Variants in ARL10 observed in about 807,000 individuals in gnomAD.
ARL10 encodes the protein ADP-ribosylation factor-like protein 10.
Under a neutral mutation model 26.1 loss-of-function variants are expected in ARL10, and 23 were observed. That is an observed-to-expected ratio of 0.88 (90% CI 0.63 to 1.25). The LOEUF (loss-of-function observed/expected upper bound fraction) is 1.25, where lower values mean the gene tolerates loss of function less well. Ranked by LOEUF, ARL10 falls within the 50% of genes most tolerant of loss-of-function variation. ARL10 has a pLI of 0.00. For synonymous variants in ARL10, 138 were observed against 149.1 expected (o/e 0.93, Z 0.54); for missense variants, 300 against 323.6 (o/e 0.93, Z 0.56).
chr5:176,396,050 G>A (rs1189797699), intron 1 of ARL10, among the ~76,000 whole-genome samples: 1 of 152,114 alleles, frequency 6.6e-6, no homozygotes, highest in African/African-American at 2.4e-5. Flanking sequence ...CAGGAGAATC[G>A]CTTGAACCCA....
At chr5:176,397,943 C>G in intron 1 of ARL10, 1 of 1,613,916 alleles carries the variant, frequency 6.2e-7, no homozygotes, top group South Asian at 1.1e-5. Flanking sequence ...GCTCTTGCAG[C>G]CGTTTCCTCT....
At position 176,373,419 on chromosome 5, in the gene ARL10, A is replaced by C; in HGVS notation, c.*1524A>C. ...GGGACCACTAAATCAACAACCACAA[A>C]TGGATTTTTTTTTTAAGAGGAGCTG... On this transcript the variant is annotated 3_prime_UTR_variant, in exon 4 of 4. Transcript: ENST00000310389. The C allele has an allele frequency of 1.0e-5, 2 of 197,856 alleles. No individual in the cohort carries two copies. The highest frequency in any genetic ancestry group is 1.0e-5 in the Non-Finnish European group (1 of 98,564). 12.3% of individuals were successfully genotyped at this position (197,856 alleles called of 1,614,324 possible). A position where few individuals can be genotyped will look rare whatever the true frequency, so the allele number is the denominator to read the frequency against.
At chr5:176,369,587 G>A (rs960632351) in intron 3 of ARL10, among the ~76,000 whole-genome samples, 2 of 152,118 alleles carry the variant, frequency 1.3e-5, no homozygotes, top group Non-Finnish European at 2.9e-5. Flanking sequence ...ACCCTATAAA[G>A]TATGGGATGC....
the ARL10 span, among the ~76,000 whole-genome samples, chr5:176,411,302 C>T: frequency 6.6e-6 from 1 of 152,210 alleles, no homozygotes; most frequent in African/African-American, 2.4e-5. Flanking sequence ...AAAACATGCA[C>T]TTACCTGTGC....
At chr5:176,410,467 C>T in the ARL10 span, among the ~76,000 whole-genome samples, 3 of 152,174 alleles carry the variant, frequency 2.0e-5, no homozygotes, top group Non-Finnish European at 2.9e-5. Flanking sequence ...GGCTCAATCC[C>T]ACCCCTGACT....
the ARL10 span, among the ~76,000 whole-genome samples, chr5:176,413,101 A>G: frequency 6.6e-6 from 1 of 152,096 alleles, no homozygotes; most frequent in African/African-American, 2.4e-5. Context: ...AAGAGTCCAC[A>G]CACACCTACA....
chr5:176,414,584 A>G, the ARL10 span, among the ~76,000 whole-genome samples: 1 of 152,096 alleles, frequency 6.6e-6, no homozygotes, highest in East Asian at 1.9e-4. Context: ...CTACAACTAC[A>G]GCTACATGCC....
downstream of ARL10, chr5:176,388,793 A>T (rs374741504): frequency 4.4e-6 from 7 of 1,605,182 alleles, no homozygotes; most frequent in Middle Eastern, 1.8e-4. Context: ...CGGAGTCCCG[A>T]TTTTCTCCTG....
intron 1 of ARL10, among the ~76,000 whole-genome samples, chr5:176,399,934 G>T (rs867956227): frequency 3.3e-5 from 5 of 150,736 alleles, no homozygotes; most frequent in South Asian, 2.1e-4. Context: ...ACTCACACCT[G>T]TAATCCCAGC....
In ARL10 at chr5:176,372,105, TGAGACAGAGGGTGGG is replaced by T. The variant is rs1768565620; in HGVS notation, c.*214_*228del. On this transcript the variant is annotated 3_prime_UTR_variant, in exon 4 of 4. Coordinates refer to ENST00000310389, the MANE Select transcript of ARL10 (RefSeq NM_173664.6). ...CGTGAAGCCGAAGCAGGGAGGTGGGTGAGACAGAGGGTGGGGAGGATAGTGTCTGGCTCATTCCAG... is the reference window on the plus strand; with the variant it reads ...CGTGAAGCCGAAGCAGGGAGGTGGGTGAGGATAGTGTCTGGCTCATTCCAG... The T allele has an allele frequency of 7.1e-7, 1 of 1,414,962 alleles. No individual in the cohort carries two copies. The highest frequency in any genetic ancestry group is 9.2e-7 in the Non-Finnish European group (1 of 1,085,888). 87.7% of individuals were successfully genotyped at this position (1,414,962 alleles called of 1,614,324 possible).
intron 3 of ARL10, 53 bp from the exon 4 acceptor site, chr5:176,371,669 C>G (rs1448181194): frequency 6.7e-7 from 1 of 1,498,784 alleles, no homozygotes; most frequent in Non-Finnish European, 9.3e-7. Flanking sequence ...ACAAGGGTGT[C>G]AGTGTGTTAG....
At chr5:176,404,946 T>A (rs1757031765), downstream of ARL10, among the ~76,000 whole-genome samples, 1 of 152,214 alleles carries the variant, frequency 6.6e-6, no homozygotes, top group Admixed American at 6.5e-5. Context: ...GATCCTGGAT[T>A]CAAGTTTTAC....
In ARL10 at chr5:176,373,152, T is replaced by G; in HGVS notation, c.*1257T>G. On this transcript the variant is annotated 3_prime_UTR_variant, in exon 4 of 4. Transcript: ENST00000310389. ...TCTAGGTAAAAAGATGGAAAAAAAT[T>G]GTATTATGTGATCCTAAGGACAGGA... The G allele has an allele frequency of 2.5e-6, 1 of 397,862 alleles. No homozygotes were observed. The highest frequency in any genetic ancestry group is 1.4e-4 in the South Asian group (1 of 7,326). 24.6% of individuals were successfully genotyped at this position (397,862 alleles called of 1,614,324 possible).
In ARL10 at chr5:176,375,865, C is replaced by T. The variant is rs1373699802; in HGVS notation, c.*3970C>T. On this transcript the variant is annotated 3_prime_UTR_variant, in exon 4 of 4. Coordinates refer to ENST00000310389, the MANE Select transcript of ARL10 (RefSeq NM_173664.6). ...AACCCTACTGGATTTAACCCAGTGACATTATATAAGCAATCGCTTGGAGCC... is the reference window on the plus strand; with the variant it reads ...AACCCTACTGGATTTAACCCAGTGATATTATATAAGCAATCGCTTGGAGCC... 2 of 152,186 alleles carry T rather than the reference C, an allele frequency of 1.3e-5. No homozygotes were observed. Among genetic ancestry groups the T allele is most frequent in the Non-Finnish European group, 2.9e-5 (2 of 68,024 alleles). The allele number at this position is 152,186 out of a possible 1,614,324, so 9.4% of individuals were successfully genotyped here. A position where few individuals can be genotyped will look rare whatever the true frequency, so the allele number is the denominator to read the frequency against.
intron 1 of ARL10, among the ~76,000 whole-genome samples, chr5:176,396,821 T>G (rs902616747): frequency 2.0e-5 from 3 of 152,120 alleles, no homozygotes; most frequent in African/African-American, 7.2e-5. Flanking sequence ...GCCCAACTCA[T>G]CAGCCAAGGC....
chr5:176,372,701 A>T lies in ARL10; in HGVS notation c.*806A>T, dbSNP rs1768582999. The T allele has an allele frequency of 5.1e-6, 2 of 392,630 alleles. No homozygotes were observed. Among genetic ancestry groups the T allele is most frequent in the Non-Finnish European group, 9.0e-6 (2 of 222,682 alleles). The allele number at this position is 392,630 out of a possible 1,614,324, so 24.3% of individuals were successfully genotyped here. Reference sequence around the variant, plus strand: ...CTGCTGCTCTCGTACTAACTGTGCCAGTGCCCATGTTTACAGAAGTCAGGG... The same window carrying T: ...CTGCTGCTCTCGTACTAACTGTGCCTGTGCCCATGTTTACAGAAGTCAGGG... On this transcript the variant is annotated 3_prime_UTR_variant, in exon 4 of 4. Transcript: ENST00000310389.
downstream of ARL10, chr5:176,388,775 G>C (rs1756114148): frequency 6.3e-7 from 1 of 1,598,518 alleles, no homozygotes; most frequent in African/African-American, 1.3e-5. Context: ...TCACCGGGAG[G>C]CTGAGGTCGG....
downstream of ARL10, chr5:176,383,928 AC>A (rs1755620315): frequency 3.4e-6 from 5 of 1,466,948 alleles, no homozygotes; most frequent in Non-Finnish European, 4.5e-6. Context: ...GCAGAAAAAT[AC>A]AAAATCATCA....
At position 176,377,235 on chromosome 5, in the gene ARL10, A is replaced by G. The variant is rs1768710441; in HGVS notation, c.*5340A>G. 1 of 152,230 alleles carries G rather than the reference A, an allele frequency of 6.6e-6. No individual in the cohort carries two copies. 9.4% of individuals were successfully genotyped at this position (152,230 alleles called of 1,614,324 possible). On this transcript the variant is annotated 3_prime_UTR_variant, in exon 4 of 4. Coordinates refer to ENST00000310389, the MANE Select transcript of ARL10 (RefSeq NM_173664.6). The surrounding 1 kb of genome is among the most constrained non-coding windows in gnomAD (Gnocchi z 4.5). ...GTGGTATCTTTGGCCAAGATAATCC[A>G]ATCGATTCAGTTAATTTTGCCAATT... is the stretch of plus-strand genomic sequence containing the variant.
Sources: gnomAD v4.1 joint callset for allele counts (sites outside exome capture counted in the v4.1 genomes callset) on GRCh38, gnomAD v4.1.1 for gene constraint, Gnocchi (gnomAD v3.1) non-coding constraint, MANE v1.5 for transcripts, NCBI Gene and HGNC (gene_info 2026-07-23, HGNC 2026-07-21) for gene names.